OR1J2: variants seen among roughly 807,000 people sequenced by gnomAD.
OR1J2 encodes olfactory receptor 1J2.
For missense variants in OR1J2, 304 were observed against 246.1 expected, an observed-to-expected ratio of 1.24 and a Z score of -1.57; for synonymous variants, 142 against 99.7, an observed-to-expected ratio of 1.42 and a Z score of -2.52.
chr9:122,458,910 A>G, the OR1J2 span, among the ~76,000 whole-genome samples: 1,451 of 151,692 alleles, frequency 9.6e-3, 17 homozygotes, highest in African/African-American at 0.034. Context: ...CCAACATTTC[A>G]TATGCTCTTT....
the OR1J2 span, among the ~76,000 whole-genome samples, chr9:122,555,513 C>T: frequency 6.6e-6 from 1 of 152,150 alleles, no homozygotes; most frequent in Non-Finnish European, 1.5e-5. Context: ...AATAATATCT[C>T]TCCTCTTTGG....
chr9:122,449,605 G>A, the OR1J2 span, among the ~76,000 whole-genome samples: 3 of 152,042 alleles, frequency 2.0e-5, no homozygotes, highest in African/African-American at 4.8e-5. Flanking sequence ...TCCTGACCTC[G>A]TGATCCTTCC....
chr9:122,530,079 T>C, the OR1J2 span, among the ~76,000 whole-genome samples: 1 of 152,084 alleles, frequency 6.6e-6, no homozygotes, highest in Non-Finnish European at 1.5e-5. Context: ...ATTAAAAATA[T>C]ATTTAAGGGG....
At chr9:122,568,422 G>GAGA in the OR1J2 span, 1 of 1,613,052 alleles carries the variant, frequency 6.2e-7, no homozygotes. Context: ...AGGCCGGGAG[G>GAGA]AGAGTCCCAG....
chr9:122,574,379 T>C, the OR1J2 span, among the ~76,000 whole-genome samples: 2 of 152,180 alleles, frequency 1.3e-5, no homozygotes, highest in African/African-American at 4.8e-5. Context: ...CATCATGGTT[T>C]TGTGGTAACC....
the OR1J2 span, among the ~76,000 whole-genome samples, chr9:122,458,840 T>C: frequency 4.6e-5 from 7 of 152,190 alleles, no homozygotes; most frequent in Non-Finnish European, 1.0e-4. Context: ...AAACTGCTTT[T>C]TTTTTTCTTT....
At chr9:122,522,428 A>G in the OR1J2 span, among the ~76,000 whole-genome samples, 1 of 152,212 alleles carries the variant, frequency 6.6e-6, no homozygotes, top group African/African-American at 2.4e-5. Context: ...TCTGACATGG[A>G]AATTTTAAGA....
the OR1J2 span, among the ~76,000 whole-genome samples, chr9:122,494,900 A>G: frequency 6.6e-6 from 1 of 152,182 alleles, no homozygotes. Flanking sequence ...TTTGCTCAGC[A>G]TTTGTTTGCC....
At chr9:122,450,643 A>G in the OR1J2 span, among the ~76,000 whole-genome samples, 1 of 152,176 alleles carries the variant, frequency 6.6e-6, no homozygotes. Flanking sequence ...AATCTGTAAT[A>G]CGTTGGTGTT....
chr9:122,472,625 T>C, the OR1J2 span, among the ~76,000 whole-genome samples: 1 of 152,366 alleles, frequency 6.6e-6, no homozygotes, highest in South Asian at 2.1e-4. Context: ...AATGCTTCAA[T>C]ATTATAAAGG....
chr9:122,532,703 G>T, the OR1J2 span, among the ~76,000 whole-genome samples: 1 of 152,034 alleles, frequency 6.6e-6, no homozygotes, highest in Non-Finnish European at 1.5e-5. Context: ...GCCTCTAAAA[G>T]TATTAGGGCG....
the OR1J2 span, among the ~76,000 whole-genome samples, chr9:122,503,663 T>C: frequency 1.3e-5 from 2 of 152,138 alleles, no homozygotes; most frequent in Admixed American, 1.3e-4. Flanking sequence ...GTCTCATAGG[T>C]TCATCCACTT....
chr9:122,532,800 C>T, the OR1J2 span, among the ~76,000 whole-genome samples: 202 of 152,150 alleles, frequency 1.3e-3, no homozygotes, highest in African/African-American at 4.7e-3. Context: ...GGTGCGGTCC[C>T]GGCTCTTTTG....
the OR1J2 span, among the ~76,000 whole-genome samples, chr9:122,533,385 G>A: frequency 6.6e-6 from 1 of 152,164 alleles, no homozygotes; most frequent in South Asian, 2.1e-4. Context: ...TGGGATATTG[G>A]CATTGAGTGG....
At chr9:122,554,026 A>G in the OR1J2 span, 1 of 1,613,772 alleles carries the variant, frequency 6.2e-7, no homozygotes, top group South Asian at 1.1e-5. Flanking sequence ...TACTCTACAG[A>G]GAGGGAAAGT....
the OR1J2 span, among the ~76,000 whole-genome samples, chr9:122,535,178 C>T: frequency 4.0e-5 from 6 of 150,736 alleles, no homozygotes; most frequent in Non-Finnish European, 8.9e-5. Flanking sequence ...GGGGTTGGGG[C>T]ATGGAAATAA....
At chr9:122,478,515 C>A in the OR1J2 span, among the ~76,000 whole-genome samples, 3,171 of 152,234 alleles carry the variant, frequency 0.021, 50 homozygotes, top group East Asian at 0.07. Flanking sequence ...GACCCCTAAT[C>A]TTTTTTTAAG....
At chr9:122,557,278 G>A in the OR1J2 span, among the ~76,000 whole-genome samples, 1 of 151,932 alleles carries the variant, frequency 6.6e-6, no homozygotes, top group African/African-American at 2.4e-5. Context: ...GTAATGAGGG[G>A]GGACATTTTT....
chr9:122,568,660 A>C, the OR1J2 span: 1 of 528,038 alleles, frequency 1.9e-6, no homozygotes. Flanking sequence ...TCCCAAATCT[A>C]TGGGCTCCAT....
Sources: gnomAD v4.1 joint callset for allele counts (sites outside exome capture counted in the v4.1 genomes callset) on GRCh38, gnomAD v4.1.1 for gene constraint, MANE v1.5 for transcripts, NCBI Gene and HGNC (gene_info 2026-07-23, HGNC 2026-07-21) for gene names.